Variants in CSMD1 observed in about 807,000 individuals in gnomAD.
The protein encoded by CSMD1 is CUB and sushi domain-containing protein 1.
Under a neutral mutation model 417.5 loss-of-function variants are expected in CSMD1, and 213 were observed. The observed-to-expected ratio is 0.51, with a 90% CI of 0.46 to 0.57. The LOEUF (loss-of-function observed/expected upper bound fraction) is 0.57, where lower values mean the gene tolerates loss of function less well. Ranked by LOEUF, CSMD1 falls within the 20% of genes least tolerant of loss-of-function variation. The pLI, the probability that CSMD1 is intolerant of heterozygous loss-of-function variation, is 0.00. For missense variants in CSMD1, 6,923 were observed against 4,529.7 expected (o/e 1.53, Z -15.17); for synonymous variants, 2,862 against 1,736.8 (o/e 1.65, Z -16.11).
intron 3 of CSMD1, among the ~76,000 whole-genome samples, chr8:4,370,540 G>T (rs892881706): frequency 2.0e-5 from 3 of 152,216 alleles, no homozygotes; most frequent in Admixed American, 6.5e-5. Flanking sequence ...TGTTTCTCAA[G>T]TTTCTTGCTC....
intron 5 of CSMD1, among the ~76,000 whole-genome samples, chr8:3,757,852 A>AAAAC (rs111774270): frequency 0.72 from 108,808 of 150,488 alleles, 39,343 homozygotes; most frequent in South Asian, 0.79. Context: ...TTCATCTCAA[A>AAAAC]AAACAAACAA....
chr8:3,249,248 GACTC>G (rs1301534071), intron 26 of CSMD1, among the ~76,000 whole-genome samples: 1 of 152,034 alleles, frequency 6.6e-6, no homozygotes, highest in Non-Finnish European at 1.5e-5. Context: ...TTGAGATAGA[GACTC>G]ACTCTGTTGC....
intron 1 of CSMD1, among the ~76,000 whole-genome samples, chr8:4,991,690 C>A (rs1811475135): frequency 6.6e-6 from 1 of 152,112 alleles, no homozygotes; most frequent in Non-Finnish European, 1.5e-5. Context: ...GCGCCGACGC[C>A]CCCGGGGGGA....
chr8:3,893,956 C>A (rs886510351), intron 5 of CSMD1, among the ~76,000 whole-genome samples: 4 of 152,128 alleles, frequency 2.6e-5, no homozygotes, highest in Admixed American at 2.6e-4. Context: ...CAGAGGACCA[C>A]CCAGAACTTG....
chr8:3,278,825 T>C (rs1046727229), intron 26 of CSMD1: 2 of 152,130 alleles, frequency 1.3e-5, no homozygotes, highest in African/African-American at 4.8e-5. Flanking sequence ...ACCAGCTTGA[T>C]TTAGTTTCAT....
intron 6 of CSMD1, among the ~76,000 whole-genome samples, chr8:3,718,426 G>A (rs1231941775): frequency 6.6e-6 from 1 of 152,094 alleles, no homozygotes; most frequent in Non-Finnish European, 1.5e-5. Flanking sequence ...CCTTGGTCAG[G>A]AAAATCATCC....
intron 5 of CSMD1, among the ~76,000 whole-genome samples, chr8:3,859,710 G>T (rs1001181500): frequency 1.3e-5 from 2 of 152,108 alleles, no homozygotes; most frequent in South Asian, 2.1e-4. Context: ...TGAAGCCTCA[G>T]TAATAACTCT....
At chr8:3,279,681 A>C (rs1362028820) in intron 26 of CSMD1, among the ~76,000 whole-genome samples, 2 of 152,184 alleles carry the variant, frequency 1.3e-5, no homozygotes, top group African/African-American at 4.8e-5. Context: ...CTCACAGTTC[A>C]GCATGGCTGG....
At chr8:4,977,328 T>A (rs1160923953) in intron 1 of CSMD1, among the ~76,000 whole-genome samples, 1 of 152,124 alleles carries the variant, frequency 6.6e-6, no homozygotes, top group Admixed American at 6.5e-5. Flanking sequence ...CTTCTAACCT[T>A]GATTGAAAAC....
intron 1 of CSMD1, among the ~76,000 whole-genome samples, chr8:4,837,366 A>G (rs79293667): frequency 6.6e-6 from 1 of 152,208 alleles, no homozygotes; most frequent in African/African-American, 2.4e-5. Context: ...TCAACAGATG[A>G]TAAAGAAAAT....
intron 3 of CSMD1, among the ~76,000 whole-genome samples, chr8:4,112,946 CG>C (rs1801934480): frequency 6.6e-6 from 1 of 152,112 alleles, no homozygotes; most frequent in Non-Finnish European, 1.5e-5. Context: ...CATCCTTTTG[CG>C]TTACATTTTG....
intron 2 of CSMD1, among the ~76,000 whole-genome samples, chr8:4,429,635 T>A (rs984418302): frequency 2.6e-5 from 4 of 152,196 alleles, no homozygotes; most frequent in South Asian, 2.1e-4. Context: ...GAGAAACGAA[T>A]GCACAGAGGA....
intron 1 of CSMD1, among the ~76,000 whole-genome samples, chr8:4,880,307 G>C (rs570507275): frequency 5.1e-4 from 78 of 152,178 alleles, no homozygotes; most frequent in Non-Finnish European, 9.0e-4. Flanking sequence ...ACACCACCTT[G>C]ATTCCACTGC....
intron 3 of CSMD1, among the ~76,000 whole-genome samples, chr8:4,169,034 G>A (rs1400536605): frequency 6.6e-6 from 1 of 152,040 alleles, no homozygotes; most frequent in Admixed American, 6.5e-5. Flanking sequence ...CCAGTTGCTG[G>A]TTTCTTCTTT....
chr8:4,946,193 A>G (rs59925272), intron 1 of CSMD1, among the ~76,000 whole-genome samples: 80,003 of 151,988 alleles, frequency 0.53, 21,647 homozygotes, highest in East Asian at 0.79. Flanking sequence ...TTTTGGTCTG[A>G]CTCAACATAC....
At chr8:3,710,269 G>A (rs773605488) in intron 6 of CSMD1, among the ~76,000 whole-genome samples, 111 of 152,238 alleles carry the variant, frequency 7.3e-4, no homozygotes, top group Middle Eastern at 3.4e-3. Flanking sequence ...AACCTATGCT[G>A]CTCAAGGGTT....
chr8:3,963,015 C>A (rs568754330), intron 5 of CSMD1, among the ~76,000 whole-genome samples: 3 of 152,102 alleles, frequency 2.0e-5, no homozygotes, highest in Non-Finnish European at 4.4e-5. Context: ...CGGCTCACTG[C>A]AACCTCTGCC....
chr8:4,385,904 G>A (rs550912062), intron 3 of CSMD1, among the ~76,000 whole-genome samples: 3 of 152,164 alleles, frequency 2.0e-5, no homozygotes, highest in Admixed American at 1.3e-4. Flanking sequence ...CTCAGAACCA[G>A]TTCTCCAGGA....
intron 4 of CSMD1, among the ~76,000 whole-genome samples, chr8:4,011,993 G>A (rs143684583): frequency 1.8e-4 from 28 of 151,466 alleles, no homozygotes; most frequent in South Asian, 1.3e-3. Flanking sequence ...AGAAATGGCT[G>A]TTATACTGTA....
Sources: allele counts gnomAD v4.1 joint callset (sites outside exome capture counted in the v4.1 genomes callset), GRCh38; gene constraint gnomAD v4.1.1; transcripts MANE v1.5; gene names NCBI Gene and HGNC (gene_info 2026-07-23, HGNC 2026-07-21).